MICU3: variants seen among roughly 807,000 people sequenced by gnomAD.
The protein encoded by MICU3 is mitochondrial calcium uptake 3.
A neutral mutation model predicts 66.5 loss-of-function variants in MICU3; 62 were observed. The observed-to-expected ratio is 0.93, with a 90% CI of 0.76 to 1.15. The LOEUF is 1.15. Among genes scored for constraint, MICU3 ranks in the 50% most tolerant of loss-of-function variants. The pLI, the probability that MICU3 is intolerant of heterozygous loss-of-function variation, is 0.00. For missense variants in MICU3, 779 were observed against 664.4 expected, an observed-to-expected ratio of 1.17 and a Z score of -1.90; for synonymous variants, 308 against 240.7, an observed-to-expected ratio of 1.28 and a Z score of -2.59.
the MICU3 span, chr8:17,131,703 G>A: frequency 6.6e-6 from 1 of 152,388 alleles, no homozygotes; most frequent in Non-Finnish European, 1.5e-5. Context: ...TGCAGGGGAG[G>A]GTGGAGTGTG....
chr8:17,123,004 C>T (rs1263971663), downstream of MICU3, among the ~76,000 whole-genome samples: 1 of 151,998 alleles, frequency 6.6e-6, no homozygotes, highest in Non-Finnish European at 1.5e-5. Flanking sequence ...TATCCTACTA[C>T]TTATAGCCAT....
chr8:17,117,539 T>C (rs908770857), intron 13 of MICU3, among the ~76,000 whole-genome samples: 1 of 151,552 alleles, frequency 6.6e-6, no homozygotes, highest in African/African-American at 2.4e-5. Flanking sequence ...AGAGAAAAAA[T>C]GTTCTGTTAA....
chr8:17,085,825 T>C (rs1247757070), intron 6 of MICU3, among the ~76,000 whole-genome samples: 8 of 152,142 alleles, frequency 5.3e-5, no homozygotes, highest in Non-Finnish European at 4.4e-5. Context: ...TATTTACCTT[T>C]TGATGTTTCT....
chr8:17,032,282 T>C (rs1214250041), intron 1 of MICU3, among the ~76,000 whole-genome samples: 1 of 152,214 alleles, frequency 6.6e-6, no homozygotes, highest in Non-Finnish European at 1.5e-5. Flanking sequence ...TTATTTATAT[T>C]ATAAAGAGAT....
At chr8:17,034,124 C>T (rs1643183414) in intron 1 of MICU3, among the ~76,000 whole-genome samples, 1 of 152,182 alleles carries the variant, frequency 6.6e-6, no homozygotes, top group South Asian at 2.1e-4. Flanking sequence ...ATTTACCATT[C>T]TGAAAATCCT....
intron 1 of MICU3, among the ~76,000 whole-genome samples, chr8:17,034,380 A>G (rs1045719503): frequency 6.6e-6 from 1 of 152,252 alleles, no homozygotes; most frequent in African/African-American, 2.4e-5. Flanking sequence ...CTGCTAACAC[A>G]GTATCCATTC....
chr8:17,084,186 A>G (rs1585405232), intron 5 of MICU3, among the ~76,000 whole-genome samples: 1 of 152,078 alleles, frequency 6.6e-6, no homozygotes, highest in East Asian at 1.9e-4. Context: ...TTTACTTTGT[A>G]CTGTATTTTT....
At chr8:17,096,386 T>G (rs1294171953) in intron 8 of MICU3, among the ~76,000 whole-genome samples, 1 of 151,950 alleles carries the variant, frequency 6.6e-6, no homozygotes, top group Non-Finnish European at 1.5e-5. Flanking sequence ...TTCGTGGTGA[T>G]AAAACTTCCT....
intron 1 of MICU3, among the ~76,000 whole-genome samples, chr8:17,047,307 C>T (rs566208215): frequency 1.3e-5 from 2 of 151,986 alleles, no homozygotes; most frequent in Admixed American, 6.6e-5. Flanking sequence ...GAAGAAACTG[C>T]ACAGAATGTA....
intron 1 of MICU3, among the ~76,000 whole-genome samples, chr8:17,031,262 T>TTTATTA (rs60712856): frequency 0.27 from 37,282 of 138,880 alleles, 5,582 homozygotes; most frequent in Non-Finnish European, 0.33. Flanking sequence ...TGCCACTTCA[T>TTTATTA]TTATTATTAT....
intron 2 of MICU3, 113 bp downstream of exon 2, chr8:17,064,350 C>G (rs750832718): frequency 2.1e-5 from 15 of 730,264 alleles, no homozygotes; most frequent in Non-Finnish European, 3.0e-5. Flanking sequence ...TGGTATTTCA[C>G]ATGATATTGT....
At chr8:17,079,557 T>G (rs1002852365) in intron 4 of MICU3, among the ~76,000 whole-genome samples, 72 of 152,298 alleles carry the variant, frequency 4.7e-4, no homozygotes, top group African/African-American at 1.7e-3. Flanking sequence ...TTTATTTATT[T>G]ATTGAGTCAG....
intron 1 of MICU3, among the ~76,000 whole-genome samples, chr8:17,063,095 G>A (rs967383120): frequency 6.6e-6 from 1 of 152,042 alleles, no homozygotes; most frequent in African/African-American, 2.4e-5. Context: ...CAGGAAAATG[G>A]CCCCGAAGTT....
intron 8 of MICU3, among the ~76,000 whole-genome samples, chr8:17,096,887 CT>C (rs2150786113): frequency 6.6e-6 from 1 of 150,982 alleles, no homozygotes; most frequent in Non-Finnish European, 1.5e-5. Context: ...ATATTTACTT[CT>C]TTTTCTTGTC....
intron 5 of MICU3, among the ~76,000 whole-genome samples, chr8:17,083,162 G>A (rs770496122): frequency 6.6e-6 from 1 of 152,080 alleles, no homozygotes; most frequent in African/African-American, 2.4e-5. Context: ...GGGAGTTGAA[G>A]CTTTTCTCTT....
intron 1 of MICU3, among the ~76,000 whole-genome samples, chr8:17,054,738 C>CTTTTT (rs559605289): frequency 6.1e-4 from 75 of 122,736 alleles, no homozygotes; most frequent in East Asian, 7.7e-4. Context: ...TTCTTTCTTT[C>CTTTTT]TTTTTTTTTT....
At position 17,027,624 on chromosome 8, in the gene MICU3, G is replaced by A. The variant is rs905735019; in HGVS notation, c.345G>A (p.Gly115=). 37 of 1,309,856 alleles carry A rather than the reference G, an allele frequency of 2.8e-5. No homozygotes were observed. The highest frequency in any genetic ancestry group is 3.3e-5 in the Non-Finnish European group (34 of 1,033,494). The allele number at this position is 1,309,856 out of a possible 1,614,324, so 81.1% of individuals were successfully genotyped here. Residue 115 remains glycine (G), a synonymous_variant, in exon 1 of 15, where the codon GGG becomes GGA. Coordinates refer to ENST00000318063, the MANE Select transcript of MICU3 (RefSeq NM_181723.3). ...CCGAGGACCCGCCCCGCGGCCGGGG[G>A]ATGCTGCCCATCCCAGTGGCGGCTG... The part of the protein sequence containing the change: ...TEPEDPPRGR[G]MLPIPVAAAK...
At position 17,088,746 on chromosome 8, in the gene MICU3, G is replaced by A. The variant is rs576202420; in HGVS notation, c.849+1711G>A. ...ATACATCCATCAAGTAATAAAGGGA[G>A]ATAAAAAAGAGAAAAATATTAGCAG... On this transcript the variant is annotated intron_variant, in intron 7 of 14. Coordinates refer to ENST00000318063, the MANE Select transcript of MICU3 (RefSeq NM_181723.3). Among the ~76,000 whole-genome samples the A allele has an allele frequency of 8.6e-4, 131 of 151,878 alleles. 2 individuals carry two copies. Among genetic ancestry groups the A allele is most frequent in the African/African-American group, 3.0e-3 (126 of 41,502 alleles).
chr8:17,135,137 A>T, the MICU3 span, among the ~76,000 whole-genome samples: 232 of 152,292 alleles, frequency 1.5e-3, 3 homozygotes, highest in East Asian at 0.036. Flanking sequence ...GCAGTGGCTC[A>T]TGCCTGTAAT....
Sources: allele counts gnomAD v4.1 joint callset (sites outside exome capture counted in the v4.1 genomes callset), GRCh38; gene constraint gnomAD v4.1.1; transcripts MANE v1.5; gene names NCBI Gene and HGNC (gene_info 2026-07-23, HGNC 2026-07-21).